EYA2: variants seen among roughly 807,000 people sequenced by gnomAD.
EYA2 encodes the protein EYA transcriptional coactivator and phosphatase 2.
In EYA2, 31 loss-of-function variants were observed where a neutral mutation model predicts 69.2. That is an observed-to-expected ratio of 0.45 (90% CI 0.34 to 0.60). EYA2 has a LOEUF of 0.60. EYA2 is among the 20% of genes least tolerant of loss of function. EYA2 has a pLI of 0.02. For missense variants in EYA2, 622 were observed against 701.2 expected (o/e 0.89, Z 1.28); for synonymous variants, 257 against 279.4 (o/e 0.92, Z 0.80).
chr20:47,169,069 C>G, intron 10 of EYA2, 70 bp from the exon 11 acceptor site: 3 of 1,465,304 alleles, frequency 2.0e-6, no homozygotes, highest in Non-Finnish European at 2.9e-6. Flanking sequence ...TGAGGCCAAC[C>G]CTTGAAGGCT....
intron 9 of EYA2, among the ~76,000 whole-genome samples, chr20:47,113,591 G>A (rs764648398): frequency 2.0e-5 from 3 of 152,186 alleles, no homozygotes; most frequent in Non-Finnish European, 4.4e-5. Context: ...ATCCACACTC[G>A]GGGCTGTCTG....
In EYA2 at chr20:46,924,315, T is replaced by G. The variant is rs190710318; in HGVS notation, c.-11+29328T>G. The stretch of plus-strand genomic sequence containing the variant: ...AAACTCCTCTCAAGTTTAAAATGTT[T>G]GGGTCAAGGTGACACTTTCCCGTCT... On this transcript the variant is annotated intron_variant, in intron 1 of 15. Transcript: ENST00000327619. 7.2e-4 allele frequency among the ~76,000 whole-genome samples: 110 copies of G among 152,250 alleles called. 1 individual carries two copies. The highest frequency in any genetic ancestry group is 2.4e-3 in the African/African-American group (100 of 41,550).
intron 1 of EYA2, among the ~76,000 whole-genome samples, chr20:46,896,652 T>C (rs1983827075): frequency 6.6e-6 from 1 of 152,238 alleles, no homozygotes; most frequent in Non-Finnish European, 1.5e-5. Flanking sequence ...GAATCTTGCT[T>C]TTGACTAAGC....
chr20:47,149,688 CAAA>C (rs59780173), intron 10 of EYA2, among the ~76,000 whole-genome samples: 391 of 102,702 alleles, frequency 3.8e-3, no homozygotes, highest in East Asian at 0.018. Flanking sequence ...ACTAAAAATA[CAAA>C]AAAAAAAAAA....
intron 5 of EYA2, among the ~76,000 whole-genome samples, chr20:47,059,045 G>C (rs929945008): frequency 3.3e-5 from 5 of 152,220 alleles, no homozygotes; most frequent in African/African-American, 1.2e-4. Context: ...ACCAGAATTA[G>C]TGCCTGTGGA....
At chr20:46,935,533 GA>G (rs1985869228) in intron 1 of EYA2, among the ~76,000 whole-genome samples, 1 of 152,136 alleles carries the variant, frequency 6.6e-6, no homozygotes, top group African/African-American at 2.4e-5. Flanking sequence ...TCCTCTCTTG[GA>G]AACTGGGCAC....
intron 11 of EYA2, 58 bp downstream of exon 11, chr20:47,169,255 C>G: frequency 6.5e-7 from 1 of 1,536,102 alleles, no homozygotes; most frequent in Non-Finnish European, 9.0e-7. Flanking sequence ...ATCAAGTTAT[C>G]CTTCTACTAG....
At chr20:46,994,052 G>T (rs1390580057) in intron 2 of EYA2, among the ~76,000 whole-genome samples, 1 of 152,158 alleles carries the variant, frequency 6.6e-6, no homozygotes, top group Non-Finnish European at 1.5e-5. Flanking sequence ...ATTATTTCTG[G>T]GTGAGTGAAG....
At chr20:47,147,890 C>G (rs1055254108) in intron 10 of EYA2, among the ~76,000 whole-genome samples, 1 of 151,932 alleles carries the variant, frequency 6.6e-6, no homozygotes, top group Non-Finnish European at 1.5e-5. Flanking sequence ...GAAACCCCGT[C>G]TTTACTAAAA....
chr20:46,921,552 T>C (rs1360900098), intron 1 of EYA2, among the ~76,000 whole-genome samples: 5 of 152,208 alleles, frequency 3.3e-5, no homozygotes, highest in Non-Finnish European at 7.3e-5. Context: ...GCTATGCCTC[T>C]GCCCTCAGGG....
intron 10 of EYA2, among the ~76,000 whole-genome samples, chr20:47,157,814 G>C (rs2033985996): frequency 6.6e-6 from 1 of 151,932 alleles, no homozygotes; most frequent in African/African-American, 2.4e-5. Flanking sequence ...AAGGCACCAG[G>C]TCCCACTGGT....
chr20:46,961,941 T>A (rs1979500378), intron 1 of EYA2, among the ~76,000 whole-genome samples: 1 of 152,234 alleles, frequency 6.6e-6, no homozygotes, highest in African/African-American at 2.4e-5. Context: ...TAAGTTCCAG[T>A]GATCTATACC....
intron 8 of EYA2, chr20:47,095,671 A>ATT (rs2032226244): frequency 6.6e-6 from 1 of 152,218 alleles, no homozygotes. Flanking sequence ...CACTTAAAAA[A>ATT]AATGATGAAA....
At chr20:46,896,346 T>C (rs992956658) in intron 1 of EYA2, among the ~76,000 whole-genome samples, 2 of 152,008 alleles carry the variant, frequency 1.3e-5, no homozygotes, top group African/African-American at 4.8e-5. Context: ...AGTAAGCACC[T>C]TACCAGACTA....
intron 12 of EYA2, among the ~76,000 whole-genome samples, chr20:47,176,863 C>T (rs545773446): frequency 3.9e-5 from 6 of 151,908 alleles, no homozygotes; most frequent in Non-Finnish European, 8.8e-5. Flanking sequence ...ACAATCTCGG[C>T]TCACTGCAAC....
intron 1 of EYA2, chr20:46,901,513 T>A (rs1208068745): frequency 6.6e-6 from 1 of 152,128 alleles, no homozygotes; most frequent in African/African-American, 2.4e-5. Flanking sequence ...CCAACCCAGG[T>A]GCTGATGGAA....
intron 15 of EYA2, 22 bp downstream of exon 15, chr20:47,183,413 C>T (rs1350347957): frequency 6.2e-7 from 1 of 1,606,872 alleles, no homozygotes; most frequent in Admixed American, 1.7e-5. Context: ...ACCTCTCAGA[C>T]TGCGTTTTCC....
At chr20:47,040,838 T>C (rs1224414738) in intron 5 of EYA2, among the ~76,000 whole-genome samples, 1 of 147,982 alleles carries the variant, frequency 6.8e-6, no homozygotes. Flanking sequence ...TGTCTGGGGG[T>C]TAGGGGGGAG....
At chr20:46,942,238 C>G (rs1042341988) in intron 1 of EYA2, among the ~76,000 whole-genome samples, 5 of 151,868 alleles carry the variant, frequency 3.3e-5, no homozygotes, top group Admixed American at 2.0e-4. Flanking sequence ...GACAAAGTCT[C>G]ACTCTGTCAC....
Sources: gnomAD v4.1 joint callset for allele counts (sites outside exome capture counted in the v4.1 genomes callset) on GRCh38, gnomAD v4.1.1 for gene constraint, MANE v1.5 for transcripts, NCBI Gene and HGNC (gene_info 2026-07-23, HGNC 2026-07-21) for gene names.